TMEM59L: variants seen among roughly 807,000 people sequenced by gnomAD.
TMEM59L encodes transmembrane protein 59 like.
TMEM59L carries 31 observed loss-of-function variants against 39.6 expected under a neutral mutation model. The observed-to-expected ratio is 0.78, with a 90% CI of 0.59 to 1.06. The LOEUF is 1.06. Among genes scored for constraint, TMEM59L ranks in the 50% least tolerant of loss-of-function variants. The probability of loss-of-function intolerance (pLI) is 0.00; values close to 1 mark genes in which losing one functional copy is unlikely to be tolerated. For missense variants in TMEM59L, 441 were observed against 451.3 expected (o/e 0.98, Z 0.21); for synonymous variants, 219 against 202.9 (o/e 1.08, Z -0.68).
At position 18,620,659 on chromosome 19, in the gene TMEM59L, C is replaced by T. The variant is rs1976486755; in HGVS notation, c.*123C>T. The T allele has an allele frequency of 7.3e-7, 1 of 1,365,870 alleles. No homozygotes were observed. The highest frequency in any genetic ancestry group is 1.6e-5 in the South Asian group (1 of 63,494). 84.6% of individuals were successfully genotyped at this position (1,365,870 alleles called of 1,614,324 possible). A position where few individuals can be genotyped will look rare whatever the true frequency, so the allele number is the denominator to read the frequency against. On this transcript the variant is annotated 3_prime_UTR_variant, in exon 8 of 8. Coordinates refer to ENST00000262817, the MANE Select transcript of TMEM59L (RefSeq NM_012109.3). ...GCCCCTCCACCCCCAAATCCTTCCTCTCCTCCCAGTCCCACCCCTTGCCCC... is the reference window on the plus strand; with the variant it reads ...GCCCCTCCACCCCCAAATCCTTCCTTTCCTCCCAGTCCCACCCCTTGCCCC...
intron 5 of TMEM59L, chr19:18,617,377 TCCACCTCTCAGGGTTCCGTGGC>T: frequency 1.8e-6 from 1 of 555,090 alleles, no homozygotes; most frequent in Non-Finnish European, 3.4e-6. Flanking sequence ...GGATCCGTGG[TCCACCTCTCAGGGTTCCGTGGC>T]CCACCTCCCG....
chr19:18,617,814 G>T, intron 5 of TMEM59L: 1 of 397,252 alleles, frequency 2.5e-6, no homozygotes, highest in Non-Finnish European at 4.6e-6. Context: ...TCTCCTAAGG[G>T]TCATCTCCTA....
At chr19:18,620,083 G>A (rs1976478547) in intron 7 of TMEM59L, among the ~76,000 whole-genome samples, 1 of 151,296 alleles carries the variant, frequency 6.6e-6, no homozygotes, top group South Asian at 2.1e-4. Context: ...GAGGTGGGCA[G>A]ATCACTTCAG....
intron 3 of TMEM59L, among the ~76,000 whole-genome samples, chr19:18,614,957 C>T (rs1976412173): frequency 6.6e-6 from 1 of 152,162 alleles, no homozygotes; most frequent in Admixed American, 6.6e-5. Context: ...GCACTGTCAG[C>T]CCTTCCAATT....
intron 1 of TMEM59L, among the ~76,000 whole-genome samples, chr19:18,613,637 G>A (rs751449791): frequency 2.0e-5 from 3 of 151,956 alleles, no homozygotes; most frequent in Non-Finnish European, 2.9e-5. Context: ...TGGGGGGAAG[G>A]CTCATTTCTC....
chr19:18,618,311 C>A, intron 6 of TMEM59L, 39 bp downstream of exon 6: 1 of 1,593,888 alleles, frequency 6.3e-7, no homozygotes, highest in South Asian at 1.1e-5. Context: ...GGGGGTGGGA[C>A]TGGAGGTACG....
At position 18,620,743 on chromosome 19, in the gene TMEM59L, C is replaced by G. The variant is rs973313578; in HGVS notation, c.*207C>G. The G allele has an allele frequency of 1.7e-6, 1 of 582,610 alleles. No individual in the cohort carries two copies. Among genetic ancestry groups the G allele is most frequent in the Admixed American group, 3.5e-5 (1 of 28,222 alleles). The allele number at this position is 582,610 out of a possible 1,614,324, so 36.1% of individuals were successfully genotyped here. On this transcript the variant is annotated 3_prime_UTR_variant, in exon 8 of 8. Coordinates refer to ENST00000262817, the MANE Select transcript of TMEM59L (RefSeq NM_012109.3). Reference sequence around the variant, plus strand: ...AAGAGGGCGGGATCGGGCACTGGTTCCTCCTTGTCCCCGCTTTCTTGGGGG... The same window carrying G: ...AAGAGGGCGGGATCGGGCACTGGTTGCTCCTTGTCCCCGCTTTCTTGGGGG...
intron 5 of TMEM59L, 173 bp from the exon 6 acceptor site, chr19:18,617,982 A>G (rs1976449782): frequency 7.5e-6 from 5 of 664,972 alleles, no homozygotes; most frequent in South Asian, 7.1e-5. Context: ...CCTAGGATCC[A>G]TCTCCCAGGG....
rs1024193215 is a variant in TMEM59L at position 18,618,430 on chromosome 19, G to T, written c.838G>T (p.Val280Leu). The stretch of plus-strand genomic sequence containing the variant: ...CTGCTGCCTCTTCCTCTCCGTGCTG[G>T]TGATGCTGTGGCTGAGCTGCTCCAC... ...LACCLFLSVL[V>L]MLWLSCSTLV... Residue 280 changes from valine (V) to leucine (L), a missense_variant, in exon 7 of 8, where the codon GTG becomes TTG. By Grantham distance (32) the Val-to-Leu change is conservative (BLOSUM62 1). Coordinates refer to ENST00000262817, the MANE Select transcript of TMEM59L (RefSeq NM_012109.3). The T allele has an allele frequency of 6.2e-7, 1 of 1,608,522 alleles. No homozygotes were observed. The highest frequency in any genetic ancestry group is 8.5e-7 in the Non-Finnish European group (1 of 1,179,276).
At chr19:18,617,399 C>T (rs867518753) in intron 5 of TMEM59L, 5 of 519,290 alleles carry the variant, frequency 9.6e-6, no homozygotes, top group African/African-American at 7.8e-5. Context: ...GGTTCCGTGG[C>T]CCACCTCCCG....
chr19:18,613,628 G>T (rs983311478), intron 1 of TMEM59L, among the ~76,000 whole-genome samples: 8 of 152,000 alleles, frequency 5.3e-5, no homozygotes, highest in African/African-American at 7.3e-5. Context: ...GGAACCTAGT[G>T]GGGGGAAGGC....
intron 7 of TMEM59L, among the ~76,000 whole-genome samples, chr19:18,619,462 A>C (rs1366092511): frequency 6.6e-6 from 1 of 152,212 alleles, no homozygotes; most frequent in African/African-American, 2.4e-5. Flanking sequence ...TGTGGTGCCC[A>C]GAGCCTGGGC....
chr19:18,620,371 C>G lies in TMEM59L; in HGVS notation c.901-37C>G, dbSNP rs373536308. 3 of 1,575,954 alleles carry G rather than the reference C, an allele frequency of 1.9e-6. No individual in the cohort carries two copies. The Middle Eastern group carries it at 5.1e-4, about 265-fold the overall frequency. ...CAGGGTTGGGGGCTCGGCCTCTCCC[C>G]GTCCCTCCACTTCCCTCCTCCCCTC... On this transcript the variant is annotated intron_variant, in intron 7 of 7. Transcript: ENST00000262817.
chr19:18,618,402 G>A lies in TMEM59L; in HGVS notation c.810G>A (p.Leu270=), dbSNP rs750024123. Residue 270 remains leucine, a synonymous_variant, in exon 7 of 8, where the codon CTG becomes CTA. Transcript: ENST00000262817. ...SRRSGLPRWI[L]ACCLFLSVLV... is the part of the protein sequence containing the mutation. ...GCTCGGGTCTGCCTCGCTGGATCCTGGCCTGCTGCCTCTTCCTCTCCGTGC... is the reference window on the plus strand; with the variant it reads ...GCTCGGGTCTGCCTCGCTGGATCCTAGCCTGCTGCCTCTTCCTCTCCGTGC... 2 of 1,607,218 alleles carry A rather than the reference G, an allele frequency of 1.2e-6. No individual in the cohort carries two copies. Among genetic ancestry groups the A allele is most frequent in the Admixed American group, 3.3e-5 (2 of 59,760 alleles).
In TMEM59L at chr19:18,620,520, A is replaced by C. The variant is rs201189373; in HGVS notation, c.1013A>C (p.Asp338Ala). 2.9e-5 allele frequency: 47 copies of C among 1,613,666 alleles called. 1 individual carries two copies. The Admixed American group carries it at 7.7e-4, about 26-fold the overall frequency. The stretch of plus-strand genomic sequence containing the variant: ...CTACCACCCTACAAGCTGAAGCTGG[A>C]CCTGACCAAGCTGTAGGCCTCCACT... Reference protein sequence around the residue: ...DSLPPYKLKLDLTKL With the variant: ...DSLPPYKLKLALTKL Residue 338 changes from aspartate (D) to alanine (A), a missense_variant, in exon 8 of 8, where the codon GAC (aspartate) becomes GCC (alanine). Transcript: ENST00000262817.
At chr19:18,614,697 G>T (rs920743624) in intron 3 of TMEM59L, among the ~76,000 whole-genome samples, 1 of 152,230 alleles carries the variant, frequency 6.6e-6, no homozygotes, top group African/African-American at 2.4e-5. Context: ...ACCTGGAGGG[G>T]CTCAGAACTG....
intron 7 of TMEM59L, among the ~76,000 whole-genome samples, chr19:18,619,694 C>T (rs898623644): frequency 6.6e-6 from 1 of 151,424 alleles, no homozygotes; most frequent in Non-Finnish European, 1.5e-5. Flanking sequence ...GTCCCAGCTA[C>T]TCGGGAGGCT....
At chr19:18,615,144 G>A (rs1266666895) in intron 3 of TMEM59L, among the ~76,000 whole-genome samples, 1 of 151,964 alleles carries the variant, frequency 6.6e-6, no homozygotes, top group Non-Finnish European at 1.5e-5. Flanking sequence ...CACTACAATC[G>A]GCTAATTTTT....
At chr19:18,618,539 G>A (rs761758205) in intron 7 of TMEM59L, 47 bp downstream of exon 7, 1 of 1,552,816 alleles carries the variant, frequency 6.4e-7, no homozygotes, top group Admixed American at 1.8e-5. Flanking sequence ...GGGGGTGAAG[G>A]CAGAGAGAGC....
Sources: allele counts gnomAD v4.1 joint callset (sites outside exome capture counted in the v4.1 genomes callset), GRCh38; gene constraint gnomAD v4.1.1; transcripts MANE v1.5; gene names NCBI Gene and HGNC (gene_info 2026-07-23, HGNC 2026-07-21).